Variants in PSMC6 observed in about 807,000 individuals in gnomAD.
The protein encoded by PSMC6 is 26S proteasome regulatory subunit 10B.
PSMC6 carries 3 observed loss-of-function variants against 55.9 expected under a neutral mutation model. That is an observed-to-expected ratio of 0.05 (90% CI 0.02 to 0.14). The LOEUF (loss-of-function observed/expected upper bound fraction) is 0.14. Among genes scored for constraint, PSMC6 ranks in the 10% least tolerant of loss-of-function variants. The pLI is 1.00. For missense variants in PSMC6, 210 were observed against 478.7 expected (o/e 0.44, Z 5.24); for synonymous variants, 137 against 155.9 (o/e 0.88, Z 0.90).
chr14:52,717,699 A>G (rs899993182), intron 7 of PSMC6, among the ~76,000 whole-genome samples: 24 of 151,952 alleles, frequency 1.6e-4, no homozygotes, highest in Admixed American at 1.2e-3. Flanking sequence ...CCAAACGATT[A>G]TATTCTTAAA....
intron 12 of PSMC6, chr14:52,721,438 GA>G: frequency 2.7e-6 from 1 of 366,460 alleles, no homozygotes; most frequent in Non-Finnish European, 5.0e-6. Flanking sequence ...TTCTTGTTAG[GA>G]AAAAACAGAT....
rs2041888426 is a variant in PSMC6, at chr14:52,721,356, T to C, written c.979+166T>C. The C allele has an allele frequency of 5.3e-6, 3 of 571,070 alleles. No homozygotes were observed. In the South Asian group the frequency reaches 9.1e-5, roughly 17 times the overall value. 35.4% of individuals were successfully genotyped at this position (571,070 alleles called of 1,614,324 possible). On this transcript the variant is annotated intron_variant, in intron 12 of 13. Coordinates refer to ENST00000445930, the MANE Select transcript of PSMC6 (RefSeq NM_002806.5). ...ATCTACTATAAGCTAGGAACCATTGTAAGTGTTTTGTAAGGGCTGACAATA... is the reference window on the plus strand; with the variant it reads ...ATCTACTATAAGCTAGGAACCATTGCAAGTGTTTTGTAAGGGCTGACAATA...
At chr14:52,715,702 T>C (rs1566658686) in intron 7 of PSMC6, among the ~76,000 whole-genome samples, 1 of 151,612 alleles carries the variant, frequency 6.6e-6, no homozygotes, top group Non-Finnish European at 1.5e-5. Context: ...CTGCAACTTC[T>C]GCCTCTTGGG....
At chr14:52,717,998 C>G in intron 7 of PSMC6, 83 bp from the exon 8 acceptor site, 1 of 1,278,584 alleles carries the variant, frequency 7.8e-7, no homozygotes, top group Non-Finnish European at 1.1e-6. Context: ...ACACTCCAGC[C>G]TAGGTGACAG....
chr14:52,707,635 A>T, intron 1 of PSMC6: 1 of 264,314 alleles, frequency 3.8e-6, no homozygotes, highest in Non-Finnish European at 7.5e-6. Flanking sequence ...GGACTTGGAG[A>T]GGGGAAGGCG....
rs2041735265 is a variant in PSMC6 at position 52,708,990 on chromosome 14, A to G, written c.258+174A>G. 8 of 833,146 alleles carry G rather than the reference A, an allele frequency of 9.6e-6. No homozygotes were observed. The South Asian group carries it at 1.5e-4, about 16-fold the overall frequency. The allele number at this position is 833,146 out of a possible 1,614,324, so 51.6% of individuals were successfully genotyped here. A position where few individuals can be genotyped will look rare whatever the true frequency, so the allele number is the denominator to read the frequency against. On this transcript the variant is annotated intron_variant, in intron 4 of 13. Coordinates refer to ENST00000445930, the MANE Select transcript of PSMC6 (RefSeq NM_002806.5). ...GCCTGAATTCAAACCATGGGCTTTG[A>G]CTCCTGGCATTCCGTACTTTCTACT...
At chr14:52,721,920 C>T (rs1880198937) in intron 12 of PSMC6, 2 of 152,426 alleles carry the variant, frequency 1.3e-5, no homozygotes, top group South Asian at 4.1e-4. Flanking sequence ...CACACACCAC[C>T]AACCCTGGCT....
intron 7 of PSMC6, among the ~76,000 whole-genome samples, chr14:52,716,369 T>C (rs781482644): frequency 6.6e-6 from 1 of 152,208 alleles, no homozygotes; most frequent in Non-Finnish European, 1.5e-5. Context: ...GAAATCAGTG[T>C]GTCAGAGATA....
intron 1 of PSMC6, 22 bp from the exon 2 acceptor site, chr14:52,708,287 T>C (rs369744394): frequency 2.3e-4 from 357 of 1,572,630 alleles, no homozygotes; most frequent in Middle Eastern, 1.4e-3. Flanking sequence ...CAATTAAAAA[T>C]GTTCAAATTG....
At chr14:52,716,106 C>G (rs907878444) in intron 7 of PSMC6, among the ~76,000 whole-genome samples, 2 of 152,162 alleles carry the variant, frequency 1.3e-5, no homozygotes, top group African/African-American at 4.8e-5. Flanking sequence ...CCAGTCAGTG[C>G]ACAGGATAGA....
intron 7 of PSMC6, among the ~76,000 whole-genome samples, chr14:52,716,385 A>G (rs1364175946): frequency 2.6e-5 from 4 of 152,146 alleles, no homozygotes; most frequent in Non-Finnish European, 5.9e-5. Context: ...AGATAGCTGC[A>G]CTCCCATGAT....
chr14:52,710,180 C>CA (rs1469946732), intron 4 of PSMC6: 2 of 152,516 alleles, frequency 1.3e-5, no homozygotes, highest in African/African-American at 4.8e-5. Context: ...GTAATCCCAG[C>CA]ACTTTGGGAG....
At chr14:52,720,410 T>C (rs1025048940) in intron 10 of PSMC6, among the ~76,000 whole-genome samples, 1 of 148,706 alleles carries the variant, frequency 6.7e-6, no homozygotes, top group Non-Finnish European at 1.5e-5. Flanking sequence ...ATCAGTTTAT[T>C]ATCAAATTTG....
Position 52,720,885 on chromosome 14 carries a change from G to A in PSMC6, c.802G>A (p.Asp268Asn). ...GTTACTGAATCAAATGGATGGATTT[G>A]ATACTCTGCATAGAGTTAAAATGAT... ...MELLNQMDGFDTLHRVKMIMA... is the reference protein window; with the variant it reads ...MELLNQMDGFNTLHRVKMIMA... Residue 268 changes from aspartate (D) to asparagine (N), a missense_variant, in exon 11 of 14, where the codon GAT becomes AAT. Asp to Asn is a conservative substitution (Grantham distance 23, BLOSUM62 1). This residue lies in a region of PSMC6 where 79 missense variants were observed against 158.7 expected (regional missense o/e 0.50). Coordinates refer to ENST00000445930, the MANE Select transcript of PSMC6 (RefSeq NM_002806.5). 1.2e-6 allele frequency: 2 copies of A among 1,603,048 alleles called. No homozygotes were observed. The highest frequency in any genetic ancestry group is 1.7e-6 in the Non-Finnish European group (2 of 1,171,694).
At chr14:52,719,170 A>G (rs1385260587) in intron 10 of PSMC6, 132 bp downstream of exon 10, 4 of 863,172 alleles carry the variant, frequency 4.6e-6, no homozygotes, top group Non-Finnish European at 7.0e-6. Context: ...ATTGTCAGGA[A>G]CAAACATGTT....
At chr14:52,709,462 C>A in intron 4 of PSMC6, 1 of 336,554 alleles carries the variant, frequency 3.0e-6, no homozygotes. Flanking sequence ...AGAATTTAAT[C>A]CAGGAACTAT....
Position 52,727,784 on chromosome 14 carries a change from AT to A in PSMC6, c.*170del. Reference sequence around the variant, plus strand: ...ATTCAACTTTTAAGATACAGAAGAAATTTGTATGTTTGTTAAAGTTGCATTT... The same window carrying A: ...ATTCAACTTTTAAGATACAGAAGAAATTGTATGTTTGTTAAAGTTGCATTT... On this transcript the variant is annotated 3_prime_UTR_variant, in exon 14 of 14. Coordinates refer to ENST00000445930, the MANE Select transcript of PSMC6 (RefSeq NM_002806.5). 6.2e-6 allele frequency: 3 copies of A among 483,134 alleles called. No individual in the cohort carries two copies. In the South Asian group the frequency reaches 1.1e-4, roughly 17 times the overall value. The allele number at this position is 483,134 out of a possible 1,614,324, so 29.9% of individuals were successfully genotyped here.
At chr14:52,720,367 CAAAAAAAAAA>C (rs71444775) in intron 10 of PSMC6, among the ~76,000 whole-genome samples, 431 of 41,456 alleles carry the variant, frequency 0.01, 1 homozygote, top group East Asian at 0.068. Flanking sequence ...AACTCTGTCT[CAAAAAAAAAA>C]AAAAAAAAAA....
At chr14:52,722,442 T>C (rs1880236450) in intron 12 of PSMC6, 1 of 151,936 alleles carries the variant, frequency 6.6e-6, no homozygotes, top group South Asian at 2.1e-4. Flanking sequence ...CAATGTTCTT[T>C]CCTTGAAGAG....
Sources: allele counts gnomAD v4.1 joint callset (sites outside exome capture counted in the v4.1 genomes callset), GRCh38; gene constraint gnomAD v4.1.1; regional missense constraint gnomAD v4.1.1; transcripts MANE v1.5; gene names NCBI Gene and HGNC (gene_info 2026-07-23, HGNC 2026-07-21).